Variants in KALRN observed in about 807,000 individuals in gnomAD.
KALRN encodes the protein kalirin.
Under a neutral mutation model 353.7 loss-of-function variants are expected in KALRN, and 70 were observed. The ratio of observed to expected loss-of-function variants is 0.20; its 90% CI spans 0.16 to 0.24. KALRN has a LOEUF of 0.24. Ranked by LOEUF, KALRN falls within the 10% of genes least tolerant of loss-of-function variation. The pLI is 1.00. For synonymous variants in KALRN, 1,391 were observed against 1,434.8 expected (o/e 0.97, Z 0.69); for missense variants, 2,791 against 3,756.7 (o/e 0.74, Z 6.72).
chr3:124,219,150 C>A (rs2077629325), intron 1 of KALRN, among the ~76,000 whole-genome samples: 1 of 152,126 alleles, frequency 6.6e-6, no homozygotes, highest in Non-Finnish European at 1.5e-5. Context: ...TCTGGGTCAC[C>A]CATTAAGTGC....
intron 34 of KALRN, among the ~76,000 whole-genome samples, chr3:124,582,706 G>A (rs2074744818): frequency 6.7e-6 from 1 of 150,206 alleles, no homozygotes. Context: ...TACTCATTAG[G>A]TCATGCTTCG....
At chr3:124,433,310 G>A (rs951851551) in intron 16 of KALRN, among the ~76,000 whole-genome samples, 15 of 151,832 alleles carry the variant, frequency 9.9e-5, no homozygotes, top group African/African-American at 3.6e-4. Flanking sequence ...AGAACTTCTG[G>A]TCAGATGTGG....
chr3:124,152,270 A>C (rs2332811), intron 1 of KALRN: 236,654 of 1,353,114 alleles, frequency 0.17, 23,162 homozygotes, highest in East Asian at 0.44. Flanking sequence ...GGGTACCCCT[A>C]TGCAATATAT....
chr3:124,200,941 T>A (rs1381427418), intron 1 of KALRN, among the ~76,000 whole-genome samples: 1 of 152,196 alleles, frequency 6.6e-6, no homozygotes, highest in Non-Finnish European at 1.5e-5. Context: ...GAGAGTGAAA[T>A]ACTTAACTTC....
At chr3:124,220,449 T>C (rs2077768624) in intron 1 of KALRN, among the ~76,000 whole-genome samples, 1 of 152,038 alleles carries the variant, frequency 6.6e-6, no homozygotes, top group Admixed American at 6.6e-5. Flanking sequence ...TCTCTTGCTC[T>C]TACCCCTTTA....
intron 1 of KALRN, among the ~76,000 whole-genome samples, chr3:124,172,909 T>A (rs552621888): frequency 6.6e-6 from 1 of 152,236 alleles, no homozygotes; most frequent in Non-Finnish European, 1.5e-5. Context: ...CCAATCTGAC[T>A]ATTAATCTCA....
intron 22 of KALRN, among the ~76,000 whole-genome samples, chr3:124,455,783 A>G (rs537496303): frequency 6.6e-6 from 1 of 152,342 alleles, no homozygotes; most frequent in South Asian, 2.1e-4. Flanking sequence ...CAATTTGTAC[A>G]AGGGTTATTT....
At chr3:124,678,435 G>A (rs1372000128) in intron 50 of KALRN, 122 bp downstream of exon 50, 4 of 1,066,712 alleles carry the variant, frequency 3.7e-6, no homozygotes, top group East Asian at 2.5e-5. Flanking sequence ...GTACCAGAGG[G>A]GAAGTAGTTT....
chr3:124,645,133 A>G (rs1298169119), intron 37 of KALRN, among the ~76,000 whole-genome samples: 1 of 152,104 alleles, frequency 6.6e-6, no homozygotes, highest in Admixed American at 6.5e-5. Context: ...TTCTTTTGAT[A>G]AGTGTCTGTT....
intron 1 of KALRN, among the ~76,000 whole-genome samples, chr3:124,131,846 C>G (rs2065327856): frequency 6.6e-6 from 1 of 152,148 alleles, no homozygotes; most frequent in African/African-American, 2.4e-5. Flanking sequence ...GCTTTTCCAC[C>G]AAATAATTAT....
intron 1 of KALRN, among the ~76,000 whole-genome samples, chr3:124,188,696 G>C (rs2074527084): frequency 6.6e-6 from 1 of 152,144 alleles, no homozygotes; most frequent in African/African-American, 2.4e-5. Context: ...AAAGTGTCAA[G>C]GTCTGAGATT....
At chr3:124,373,371 T>C (rs1006179158) in intron 10 of KALRN, among the ~76,000 whole-genome samples, 29 of 152,218 alleles carry the variant, frequency 1.9e-4, no homozygotes, top group Non-Finnish European at 8.8e-5. Context: ...ATTGGCATCC[T>C]GTGGGTAGAT....
chr3:124,083,552 T>C (rs1346939616), intron 1 of KALRN, among the ~76,000 whole-genome samples: 1 of 152,228 alleles, frequency 6.6e-6, no homozygotes, highest in Admixed American at 6.5e-5. Context: ...ATGCTTTCTG[T>C]GTGCCAGATA....
At chr3:124,685,938 A>C (rs753159821) in intron 51 of KALRN, among the ~76,000 whole-genome samples, 4 of 151,552 alleles carry the variant, frequency 2.6e-5, no homozygotes, top group Non-Finnish European at 5.9e-5. Context: ...TCACCCCCCA[A>C]CCCCACCCCC....
chr3:124,252,798 G>A (rs149994691), intron 3 of KALRN, among the ~76,000 whole-genome samples: 242 of 152,274 alleles, frequency 1.6e-3, no homozygotes, highest in African/African-American at 5.5e-3. Context: ...ATGACCCAGC[G>A]GAGAGAGCGC....
At chr3:124,568,120 T>C (rs2073076074) in intron 34 of KALRN, among the ~76,000 whole-genome samples, 1 of 152,120 alleles carries the variant, frequency 6.6e-6, no homozygotes, top group South Asian at 2.1e-4. Flanking sequence ...AGGGTTAATG[T>C]CCAGATTATA....
chr3:124,238,131 A>T (rs2080011471), intron 3 of KALRN, among the ~76,000 whole-genome samples: 1 of 152,160 alleles, frequency 6.6e-6, no homozygotes, highest in Non-Finnish European at 1.5e-5. Context: ...AACTACATAG[A>T]TCAGTTAGAG....
chr3:124,389,412 G>A (rs112399135), intron 11 of KALRN, among the ~76,000 whole-genome samples: 5 of 152,134 alleles, frequency 3.3e-5, no homozygotes, highest in Admixed American at 3.3e-4. Context: ...GGAAACAGGA[G>A]GAAGATATAA....
At chr3:124,619,536 G>T (rs1202125908) in intron 34 of KALRN, among the ~76,000 whole-genome samples, 1 of 135,118 alleles carries the variant, frequency 7.4e-6, no homozygotes, top group East Asian at 2.1e-4. Context: ...TGCCCAGGCT[G>T]GAGTGCAATG....
Sources: gnomAD v4.1 joint callset for allele counts (sites outside exome capture counted in the v4.1 genomes callset) on GRCh38, gnomAD v4.1.1 for gene constraint, MANE v1.5 for transcripts, NCBI Gene and HGNC (gene_info 2026-07-23, HGNC 2026-07-21) for gene names.